The following CIRSR variants were observed in gnomAD, a reference collection of about 807,000 sequenced individuals.
CIRSR encodes the protein corepressor of RBPJ and splicing regulator, also known as CBF1 (RBPJ) interacting corepressor 1.
At chr2:174,350,212 G>A in the CIRSR span, among the ~76,000 whole-genome samples, 1 of 152,050 alleles carries the variant, frequency 6.6e-6, no homozygotes, top group African/African-American at 2.4e-5. Context: ...ATTGGACCCA[G>A]CAGACATTTC....
the CIRSR span, chr2:174,358,065 T>C: frequency 1.3e-5 from 2 of 152,300 alleles, no homozygotes; most frequent in Non-Finnish European, 1.5e-5. Context: ...AGACAGCTAA[T>C]TGATGTCTAT....
At chr2:174,357,014 ACATT>A in the CIRSR span, among the ~76,000 whole-genome samples, 1 of 152,216 alleles carries the variant, frequency 6.6e-6, no homozygotes, top group Non-Finnish European at 1.5e-5. Context: ...CGAATAGTCA[ACATT>A]CAGATTTCTC....
chr2:174,350,739 C>T, the CIRSR span: 1 of 1,606,596 alleles, frequency 6.2e-7, no homozygotes, highest in Non-Finnish European at 8.5e-7. Flanking sequence ...TCACTTGCAA[C>T]ATACTCCTGA....
At chr2:174,369,117 A>C in the CIRSR span, among the ~76,000 whole-genome samples, 2 of 152,212 alleles carry the variant, frequency 1.3e-5, no homozygotes, top group African/African-American at 4.8e-5. Flanking sequence ...TCTACATTGA[A>C]ACTCTGTTGT....
the CIRSR span, among the ~76,000 whole-genome samples, chr2:174,361,655 A>G: frequency 2.0e-5 from 3 of 151,448 alleles, no homozygotes; most frequent in Admixed American, 2.0e-4. Flanking sequence ...GGCAAGGAGA[A>G]GAACACTGAC....
chr2:174,379,082 G>A, the CIRSR span: 1 of 1,339,422 alleles, frequency 7.5e-7, no homozygotes, highest in Admixed American at 1.7e-5. Flanking sequence ...AAAAAAGTAA[G>A]AATCTAACCA....
the CIRSR span, among the ~76,000 whole-genome samples, chr2:174,389,939 A>G: frequency 6.6e-6 from 1 of 152,220 alleles, no homozygotes; most frequent in East Asian, 1.9e-4. Context: ...ATTTCAGAAG[A>G]TGTATGGAAA....
At chr2:174,357,352 T>C in the CIRSR span, among the ~76,000 whole-genome samples, 10 of 152,172 alleles carry the variant, frequency 6.6e-5, 1 homozygote, top group African/African-American at 2.4e-4. Context: ...TTTTGTAAAG[T>C]TTGGATTTAG....
the CIRSR span, among the ~76,000 whole-genome samples, chr2:174,354,524 T>A: frequency 6.2e-5 from 4 of 64,794 alleles, no homozygotes; most frequent in African/African-American, 1.7e-4. Context: ...TATAATATAT[T>A]TTATATATTA....
At chr2:174,374,219 A>G in the CIRSR span, among the ~76,000 whole-genome samples, 1 of 152,152 alleles carries the variant, frequency 6.6e-6, no homozygotes, top group East Asian at 1.9e-4. Context: ...TTTTTCTTTG[A>G]ATCTTTCTTT....
At chr2:174,360,804 CA>C in the CIRSR span, among the ~76,000 whole-genome samples, 1 of 152,052 alleles carries the variant, frequency 6.6e-6, no homozygotes, top group Non-Finnish European at 1.5e-5. Flanking sequence ...AATTTAATTA[CA>C]AAATTATAAT....
chr2:174,362,381 C>T, the CIRSR span, among the ~76,000 whole-genome samples: 6 of 151,396 alleles, frequency 4.0e-5, no homozygotes, highest in African/African-American at 1.2e-4. Context: ...CTGAAAAATC[C>T]AAAACTCAAT....
the CIRSR span, among the ~76,000 whole-genome samples, chr2:174,371,191 C>T: frequency 1.3e-5 from 2 of 152,140 alleles, no homozygotes; most frequent in African/African-American, 4.8e-5. Flanking sequence ...CTAAAATTGA[C>T]TGTGGTGATG....
the CIRSR span, chr2:174,381,882 T>G: frequency 1.3e-6 from 1 of 757,860 alleles, no homozygotes; most frequent in African/African-American, 1.8e-5. Context: ...AGATAAAATA[T>G]TTTTGTTAGA....
At chr2:174,361,067 GTACAATCAAC>G in the CIRSR span, among the ~76,000 whole-genome samples, 1 of 151,918 alleles carries the variant, frequency 6.6e-6, no homozygotes, top group South Asian at 2.1e-4. Context: ...CTATAATCAA[GTACAATCAAC>G]TACGATCAAC....
At chr2:174,376,670 C>T in the CIRSR span, among the ~76,000 whole-genome samples, 2 of 151,716 alleles carry the variant, frequency 1.3e-5, no homozygotes, top group Admixed American at 6.6e-5. Flanking sequence ...TGGTGGCAGG[C>T]ACCTGTAGTC....
chr2:174,355,994 G>A, the CIRSR span, among the ~76,000 whole-genome samples: 1 of 152,110 alleles, frequency 6.6e-6, no homozygotes, highest in Non-Finnish European at 1.5e-5. Context: ...GGATGGTCTT[G>A]ATCTCCTGAC....
the CIRSR span, chr2:174,350,801 G>C: frequency 8.1e-7 from 1 of 1,237,134 alleles, no homozygotes; most frequent in Non-Finnish European, 1.1e-6. Context: ...GTAGTTAGTA[G>C]ATAAAAAAGA....
chr2:174,352,990 C>T, the CIRSR span, among the ~76,000 whole-genome samples: 1 of 152,160 alleles, frequency 6.6e-6, no homozygotes, highest in Non-Finnish European at 1.5e-5. Flanking sequence ...AAGCAAAAGG[C>T]AATCAGTTCA....
Sources: gnomAD v4.1 joint callset for allele counts (sites outside exome capture counted in the v4.1 genomes callset) on GRCh38, gnomAD v4.1.1 for gene constraint, MANE v1.5 for transcripts, NCBI Gene and HGNC (gene_info 2026-07-23, HGNC 2026-07-21) for gene names.